The following LDB2 variants were observed in gnomAD, a reference collection of about 807,000 sequenced individuals.
LDB2 encodes the protein LIM domain binding 2.
Under a neutral mutation model 44.3 loss-of-function variants are expected in LDB2, and 12 were observed. The observed-to-expected ratio is 0.27, with a 90% CI of 0.17 to 0.44. LDB2 has a LOEUF of 0.44. LDB2 is among the 20% of genes least tolerant of loss of function. The probability of loss-of-function intolerance (pLI) is 1.00; values close to 1 mark genes in which losing one functional copy is unlikely to be tolerated. For synonymous variants in LDB2, 164 were observed against 174.8 expected, an observed-to-expected ratio of 0.94 and a Z score of 0.49; for missense variants, 344 against 473.5, an observed-to-expected ratio of 0.73 and a Z score of 2.54.
chr4:16,638,743 C>T (rs1360073681), intron 2 of LDB2, among the ~76,000 whole-genome samples: 1 of 152,124 alleles, frequency 6.6e-6, no homozygotes, highest in Non-Finnish European at 1.5e-5. Context: ...GGTACTAGGA[C>T]ATAAAGGTAG....
chr4:16,816,712 T>C (rs566460152), intron 1 of LDB2, among the ~76,000 whole-genome samples: 62 of 152,228 alleles, frequency 4.1e-4, no homozygotes, highest in Admixed American at 3.8e-3. Context: ...CACTTGACTT[T>C]AGTTCTTATT....
intron 5 of LDB2, among the ~76,000 whole-genome samples, chr4:16,535,350 C>T (rs1194418810): frequency 6.6e-6 from 1 of 152,184 alleles, no homozygotes; most frequent in East Asian, 1.9e-4. Context: ...TTTAATAGAG[C>T]CTTTGGTGCC....
chr4:16,762,582 A>G (rs1476039641), intron 1 of LDB2, among the ~76,000 whole-genome samples: 2 of 152,168 alleles, frequency 1.3e-5, no homozygotes, highest in Admixed American at 6.5e-5. Context: ...TCTCGTGAGA[A>G]CTAACGCACT....
At chr4:16,725,879 A>G (rs1759324296) in intron 2 of LDB2, among the ~76,000 whole-genome samples, 2 of 108,320 alleles carry the variant, frequency 1.8e-5, no homozygotes, top group Admixed American at 2.0e-4. Flanking sequence ...GTATATATAT[A>G]TTTATGTGTA....
intron 5 of LDB2, among the ~76,000 whole-genome samples, chr4:16,571,068 G>T (rs933689200): frequency 2.6e-5 from 4 of 152,148 alleles, no homozygotes; most frequent in Non-Finnish European, 5.9e-5. Context: ...AGAAGTTGGG[G>T]GCAGGGAGCA....
intron 1 of LDB2, among the ~76,000 whole-genome samples, chr4:16,784,298 C>T (rs207696): frequency 0.36 from 53,995 of 152,074 alleles, 12,370 homozygotes; most frequent in Non-Finnish European, 0.51. Context: ...CAAAGCCACT[C>T]TCTGCACCTC....
intron 3 of LDB2, among the ~76,000 whole-genome samples, chr4:16,595,134 CA>C (rs772239656): frequency 1.3e-5 from 2 of 152,130 alleles, no homozygotes; most frequent in Admixed American, 6.5e-5. Flanking sequence ...CAGCCTCAAA[CA>C]TTGTGATAAT....
chr4:16,630,354 G>A (rs1731568805), intron 2 of LDB2, among the ~76,000 whole-genome samples: 1 of 152,144 alleles, frequency 6.6e-6, no homozygotes, highest in Admixed American at 6.5e-5. Context: ...ATAAGTGAAA[G>A]AGAAATAAAA....
At chr4:16,884,528 T>C (rs1410127926) in intron 1 of LDB2, among the ~76,000 whole-genome samples, 1 of 152,152 alleles carries the variant, frequency 6.6e-6, no homozygotes, top group Non-Finnish European at 1.5e-5. Context: ...CTTCCTAAAA[T>C]ATAATATCAC....
At chr4:16,532,793 A>G (rs1345231946) in intron 5 of LDB2, among the ~76,000 whole-genome samples, 1 of 152,180 alleles carries the variant, frequency 6.6e-6, no homozygotes, top group African/African-American at 2.4e-5. Context: ...CTGTGGTATT[A>G]GCATCTTGTG....
chr4:16,631,141 G>A (rs1731827366), intron 2 of LDB2, among the ~76,000 whole-genome samples: 1 of 152,136 alleles, frequency 6.6e-6, no homozygotes, highest in African/African-American at 2.4e-5. Flanking sequence ...ATTATTCTCA[G>A]CACCACATCA....
chr4:16,825,071 G>A (rs1390530430), intron 1 of LDB2, among the ~76,000 whole-genome samples: 1 of 152,184 alleles, frequency 6.6e-6, no homozygotes, highest in African/African-American at 2.4e-5. Context: ...TCTGAGGGAG[G>A]CAGCCTTCCT....
chr4:16,573,312 A>G (rs1285554862), intron 5 of LDB2, among the ~76,000 whole-genome samples: 1 of 152,152 alleles, frequency 6.6e-6, no homozygotes, highest in East Asian at 1.9e-4. Flanking sequence ...ACAGAGCTCA[A>G]TGCTGGTCCT....
chr4:16,864,527 A>C (rs1713942185), intron 1 of LDB2, among the ~76,000 whole-genome samples: 1 of 152,226 alleles, frequency 6.6e-6, no homozygotes, highest in African/African-American at 2.4e-5. Flanking sequence ...TGGGTAGGTC[A>C]ATTACCCCCA....
chr4:16,741,003 A>C (rs1419984836), intron 2 of LDB2, among the ~76,000 whole-genome samples: 1 of 152,232 alleles, frequency 6.6e-6, no homozygotes, highest in Admixed American at 6.5e-5. Flanking sequence ...CTGTGGAAAA[A>C]AATGCATTCA....
intron 5 of LDB2, among the ~76,000 whole-genome samples, chr4:16,516,206 T>C (rs1165702860): frequency 6.6e-6 from 1 of 152,114 alleles, no homozygotes; most frequent in Non-Finnish European, 1.5e-5. Flanking sequence ...CATCCTTGGG[T>C]AAGTTATTTA....
intron 2 of LDB2, among the ~76,000 whole-genome samples, chr4:16,690,516 A>AGGGG (rs1462276989): frequency 3.3e-4 from 1 of 3,012 alleles, no homozygotes; most frequent in Non-Finnish European, 7.2e-4. Context: ...GGAGGGAGGG[A>AGGGG]GGGGGGAGGG....
At chr4:16,758,928 C>T (rs1313819338) in intron 2 of LDB2, among the ~76,000 whole-genome samples, 1 of 152,092 alleles carries the variant, frequency 6.6e-6, no homozygotes, top group African/African-American at 2.4e-5. Flanking sequence ...TCATATTTGC[C>T]TCACTCTCTA....
At chr4:16,747,000 C>G (rs1764528598) in intron 2 of LDB2, among the ~76,000 whole-genome samples, 1 of 152,144 alleles carries the variant, frequency 6.6e-6, no homozygotes, top group Admixed American at 6.5e-5. Flanking sequence ...AGCAGGACCT[C>G]AAGAATGATG....
Sources: allele counts gnomAD v4.1 joint callset (sites outside exome capture counted in the v4.1 genomes callset), GRCh38; gene constraint gnomAD v4.1.1; transcripts MANE v1.5; gene names NCBI Gene and HGNC (gene_info 2026-07-23, HGNC 2026-07-21).